The following EXOC6B variants were observed in gnomAD, a reference collection of about 807,000 sequenced individuals.
The protein encoded by EXOC6B is SEC15 homolog B.
A neutral mutation model predicts 113.5 loss-of-function variants in EXOC6B; 54 were observed. The observed-to-expected ratio is 0.48, with a 90% CI of 0.38 to 0.60. The LOEUF is 0.60. Among genes scored for constraint, EXOC6B ranks in the 20% least tolerant of loss-of-function variants. The pLI, the probability that EXOC6B is intolerant of heterozygous loss-of-function variation, is 0.00. For synonymous variants in EXOC6B, 357 were observed against 339.0 expected, an observed-to-expected ratio of 1.05 and a Z score of -0.58; for missense variants, 797 against 977.5, an observed-to-expected ratio of 0.82 and a Z score of 2.46.
At chr2:72,501,917 C>T (rs1700343148) in intron 11 of EXOC6B, among the ~76,000 whole-genome samples, 1 of 151,842 alleles carries the variant, frequency 6.6e-6, no homozygotes, top group Admixed American at 6.6e-5. Flanking sequence ...CAAGCCACCA[C>T]ACCTGGTTAA....
At chr2:72,241,050 T>C (rs547887583) in intron 20 of EXOC6B, among the ~76,000 whole-genome samples, 53 of 152,346 alleles carry the variant, frequency 3.5e-4, no homozygotes, top group African/African-American at 1.2e-3. Context: ...TAGAGGCTTA[T>C]TGTGGACAAG....
intron 8 of EXOC6B, among the ~76,000 whole-genome samples, chr2:72,557,654 G>A (rs1703639841): frequency 6.6e-6 from 1 of 152,090 alleles, no homozygotes; most frequent in South Asian, 2.1e-4. Flanking sequence ...CTTGAGGGTG[G>A]AGGGTGGAGG....
At chr2:72,777,237 C>T (rs1683760487) in intron 1 of EXOC6B, among the ~76,000 whole-genome samples, 2 of 152,198 alleles carry the variant, frequency 1.3e-5, no homozygotes, top group Middle Eastern at 6.8e-3. Flanking sequence ...GAGCGAGACT[C>T]TGTCTCAAAA....
intron 8 of EXOC6B, among the ~76,000 whole-genome samples, chr2:72,551,629 C>G (rs1313693074): frequency 5.9e-5 from 9 of 151,848 alleles, no homozygotes; most frequent in African/African-American, 2.2e-4. Flanking sequence ...CTCAGCCTCA[C>G]GAGTAGCTGG....
chr2:72,524,606 A>C lies in EXOC6B; in HGVS notation c.916-9480T>G, dbSNP rs1219586933. On this transcript the variant is annotated intron_variant, in intron 8 of 21. Coordinates refer to ENST00000272427, the MANE Select transcript of EXOC6B (RefSeq NM_015189.3). The stretch of plus-strand genomic sequence containing the variant: ...TTAACTGTATGTTTTAAAATAACTT[A>C]AAAAATGTAACTGGATTGTTTGCAA... 2.0e-5 allele frequency among the ~76,000 whole-genome samples: 3 copies of C among 152,202 alleles called. No individual in the cohort carries two copies. In the South Asian group the frequency reaches 6.2e-4, roughly 32 times the overall value.
intron 21 of EXOC6B, chr2:72,182,928 G>A (rs1015853614): frequency 3.3e-6 from 4 of 1,229,942 alleles, no homozygotes; most frequent in Non-Finnish European, 4.1e-6. Flanking sequence ...GTCAGTGGGA[G>A]AGAGAACCAT....
At chr2:72,335,558 A>G (rs903441381) in intron 19 of EXOC6B, among the ~76,000 whole-genome samples, 212 of 119,162 alleles carry the variant, frequency 1.8e-3, no homozygotes, top group African/African-American at 5.5e-3. Context: ...GCACACACAC[A>G]CACACACACA....
intron 18 of EXOC6B, among the ~76,000 whole-genome samples, chr2:72,403,286 A>T (rs2105180341): frequency 6.6e-6 from 1 of 152,336 alleles, no homozygotes; most frequent in South Asian, 2.1e-4. Context: ...AACACTGCTC[A>T]TCACTTTTCT....
chr2:72,320,180 T>A (rs1687769231), intron 20 of EXOC6B, among the ~76,000 whole-genome samples: 1 of 148,556 alleles, frequency 6.7e-6, no homozygotes, highest in East Asian at 1.9e-4. Context: ...GTAAGATATA[T>A]ATATTTATAT....
At chr2:72,770,873 C>T (rs1006805831) in intron 1 of EXOC6B, among the ~76,000 whole-genome samples, 1 of 152,002 alleles carries the variant, frequency 6.6e-6, no homozygotes, top group African/African-American at 2.4e-5. Flanking sequence ...AACAAAAATA[C>T]AATTTTTTAA....
intron 20 of EXOC6B, among the ~76,000 whole-genome samples, chr2:72,328,602 T>C (rs1688266968): frequency 1.3e-5 from 2 of 152,102 alleles, no homozygotes. Flanking sequence ...ATTTCCTGAT[T>C]AGGGAGGTCT....
At position 72,200,127 on chromosome 2, in the gene EXOC6B, C is replaced by A. The variant is rs1308072418; in HGVS notation, c.2197-15940G>T. On this transcript the variant is annotated intron_variant, in intron 20 of 21. Transcript: ENST00000272427. ...GGCCAGGCTGGTCTTGAACTCCTGACCTCAGGTGATCCGCCCACCTTGGCC... is the reference window on the plus strand; with the variant it reads ...GGCCAGGCTGGTCTTGAACTCCTGAACTCAGGTGATCCGCCCACCTTGGCC... 2.0e-5 allele frequency among the ~76,000 whole-genome samples: 3 copies of A among 152,076 alleles called. No homozygotes were observed. The East Asian group carries it at 5.8e-4, about 29-fold the overall frequency.
At chr2:72,217,003 G>A (rs4852861) in intron 20 of EXOC6B, among the ~76,000 whole-genome samples, 5 of 148,606 alleles carry the variant, frequency 3.4e-5, no homozygotes, top group African/African-American at 1.0e-4. Context: ...ATCACACCAC[G>A]GCACTCCATC....
chr2:72,569,619 T>A (rs1573411556), intron 7 of EXOC6B, among the ~76,000 whole-genome samples: 1 of 152,200 alleles, frequency 6.6e-6, no homozygotes, highest in Non-Finnish European at 1.5e-5. Flanking sequence ...AAGCTGTTTC[T>A]GGCCCATCGG....
intron 19 of EXOC6B, among the ~76,000 whole-genome samples, chr2:72,368,436 C>T (rs1439942318): frequency 6.6e-6 from 1 of 151,160 alleles, no homozygotes; most frequent in African/African-American, 2.5e-5. Context: ...ACCAGAGGTA[C>T]AAGGAGGAGC....
chr2:72,722,106 T>C (rs1558949308), intron 5 of EXOC6B: 2 of 151,218 alleles, frequency 1.3e-5, no homozygotes, highest in Non-Finnish European at 2.9e-5. Flanking sequence ...ATATGAGATA[T>C]ATATCACTGG....
chr2:72,776,644 A>G (rs1427738159), intron 1 of EXOC6B, among the ~76,000 whole-genome samples: 1 of 152,076 alleles, frequency 6.6e-6, no homozygotes, highest in Non-Finnish European at 1.5e-5. Flanking sequence ...GTTTCTGTAT[A>G]AGAATTTGCA....
chr2:72,608,953 G>A (rs1356384120), intron 6 of EXOC6B, among the ~76,000 whole-genome samples: 1 of 152,072 alleles, frequency 6.6e-6, no homozygotes, highest in East Asian at 1.9e-4. Flanking sequence ...GTAACCAAGA[G>A]ACAACAAATT....
chr2:72,400,961 A>G (rs2105157825), intron 18 of EXOC6B, among the ~76,000 whole-genome samples: 1 of 152,218 alleles, frequency 6.6e-6, no homozygotes, highest in South Asian at 2.1e-4. Flanking sequence ...AAGGAAAAGA[A>G]ATCACTACAC....
Sources: allele counts gnomAD v4.1 joint callset (sites outside exome capture counted in the v4.1 genomes callset), GRCh38; gene constraint gnomAD v4.1.1; transcripts MANE v1.5; gene names NCBI Gene and HGNC (gene_info 2026-07-23, HGNC 2026-07-21).